CADPS: variants seen among roughly 807,000 people sequenced by gnomAD.
The protein encoded by CADPS is calcium dependent secretion activator.
CADPS carries 57 observed loss-of-function variants against 167.3 expected under a neutral mutation model. The observed-to-expected ratio is 0.34, with a 90% CI of 0.28 to 0.42. The LOEUF is 0.42. Ranked by LOEUF, CADPS falls within the 20% of genes least tolerant of loss-of-function variation. The pLI is 1.00. For synonymous variants in CADPS, 676 were observed against 635.3 expected (o/e 1.06, Z -0.96); for missense variants, 1,414 against 1,738.1 (o/e 0.81, Z 3.32).
At chr3:62,864,926 T>A (rs1316259024) in intron 1 of CADPS, among the ~76,000 whole-genome samples, 1 of 152,178 alleles carries the variant, frequency 6.6e-6, no homozygotes, top group Non-Finnish European at 1.5e-5. Flanking sequence ...CCATCTAAAA[T>A]GACTTTACAT....
chr3:62,794,944 G>C (rs1172996760), intron 1 of CADPS, among the ~76,000 whole-genome samples: 1 of 152,002 alleles, frequency 6.6e-6, no homozygotes, highest in African/African-American at 2.4e-5. Context: ...CTCTCATTCA[G>C]ATCACTGTCT....
intron 7 of CADPS, among the ~76,000 whole-genome samples, chr3:62,589,014 G>A (rs1422897258): frequency 1.3e-5 from 2 of 152,160 alleles, no homozygotes; most frequent in Non-Finnish European, 2.9e-5. Flanking sequence ...TGAGATAGAA[G>A]AGAAAAATTA....
chr3:62,508,102 G>A (rs1418799191), intron 17 of CADPS, among the ~76,000 whole-genome samples: 4 of 152,148 alleles, frequency 2.6e-5, no homozygotes, highest in South Asian at 2.1e-4. Flanking sequence ...AGAGCTGCAC[G>A]TATATGACTC....
intron 18 of CADPS, among the ~76,000 whole-genome samples, chr3:62,498,487 G>C (rs2065176755): frequency 6.6e-6 from 1 of 151,898 alleles, no homozygotes; most frequent in African/African-American, 2.4e-5. Context: ...TGAAATTTTG[G>C]AATTTTTTTG....
intron 1 of CADPS, among the ~76,000 whole-genome samples, chr3:62,826,423 G>T (rs765061630): frequency 5.3e-5 from 8 of 152,024 alleles, no homozygotes; most frequent in Admixed American, 4.6e-4. Context: ...ACATGTTATT[G>T]TTGGGGAAAA....
intron 8 of CADPS, among the ~76,000 whole-genome samples, chr3:62,572,493 C>T (rs1022330883): frequency 2.6e-5 from 4 of 152,208 alleles, no homozygotes; most frequent in African/African-American, 9.6e-5. Context: ...CTTATCATGC[C>T]TTTTCCAAGC....
chr3:62,658,051 G>A (rs1025138551), intron 4 of CADPS, among the ~76,000 whole-genome samples: 1 of 152,122 alleles, frequency 6.6e-6, no homozygotes, highest in African/African-American at 2.4e-5. Flanking sequence ...TTCCAGGAGG[G>A]GGAACCAGCA....
intron 6 of CADPS, among the ~76,000 whole-genome samples, chr3:62,621,264 G>T (rs2063124676): frequency 1.3e-5 from 2 of 152,098 alleles, no homozygotes; most frequent in Non-Finnish European, 2.9e-5. Flanking sequence ...GGAGGATGGG[G>T]GAGAGGAGCA....
chr3:62,690,079 GT>G (rs2078828135), intron 3 of CADPS, among the ~76,000 whole-genome samples: 18 of 151,906 alleles, frequency 1.2e-4, no homozygotes, highest in Admixed American at 7.9e-4. Flanking sequence ...TGGAGTAAAG[GT>G]GTGTTTGACT....
chr3:62,766,953 G>T (rs1374418752), intron 1 of CADPS, among the ~76,000 whole-genome samples: 1 of 151,984 alleles, frequency 6.6e-6, no homozygotes, highest in East Asian at 1.9e-4. Flanking sequence ...GTTTTCCCAG[G>T]GCATAGCTAA....
At chr3:62,834,603 T>C (rs896219232) in intron 1 of CADPS, among the ~76,000 whole-genome samples, 7 of 152,214 alleles carry the variant, frequency 4.6e-5, no homozygotes, top group African/African-American at 1.7e-4. Flanking sequence ...AAGGTCATAC[T>C]ATTACTGTAG....
At chr3:62,790,998 G>GT (rs2092888685) in intron 1 of CADPS, among the ~76,000 whole-genome samples, 1 of 62,458 alleles carries the variant, frequency 1.6e-5, no homozygotes, top group Non-Finnish European at 3.1e-5. Context: ...TGGCTCCTAA[G>GT]TAAAAAAAAA....
chr3:62,504,679 A>G (rs1467258744), intron 17 of CADPS, among the ~76,000 whole-genome samples: 1 of 152,132 alleles, frequency 6.6e-6, no homozygotes, highest in Non-Finnish European at 1.5e-5. Context: ...TTCCTCAAAG[A>G]GCAAAACAAA....
At chr3:62,805,692 T>A (rs1352920482) in intron 1 of CADPS, among the ~76,000 whole-genome samples, 1 of 152,158 alleles carries the variant, frequency 6.6e-6, no homozygotes, top group African/African-American at 2.4e-5. Flanking sequence ...TCTTCCCTTT[T>A]CCCCTCTGCT....
Position 62,634,751 on chromosome 3 carries a change from A to G in CADPS, c.1325+10971T>C, listed in dbSNP as rs897190589. Among the ~76,000 whole-genome samples the G allele has an allele frequency of 1.4e-4, 22 of 152,324 alleles. 1 individual carries two copies. The South Asian group carries it at 2.7e-3, about 19-fold the overall frequency. On this transcript the variant is annotated intron_variant, in intron 6 of 29. Transcript: ENST00000383710. ...GCCAAACTTGAAGGTATCTCTACCC[A>G]ATGACTTAAATGTGCCTTGTCTATT...
chr3:62,846,417 C>T (rs1484593747), intron 1 of CADPS, among the ~76,000 whole-genome samples: 3 of 152,096 alleles, frequency 2.0e-5, no homozygotes, highest in African/African-American at 4.8e-5. Context: ...TAGACCTATT[C>T]GTTCTTTAGG....
At chr3:62,728,603 T>A (rs2077177649) in intron 3 of CADPS, among the ~76,000 whole-genome samples, 2 of 151,930 alleles carry the variant, frequency 1.3e-5, no homozygotes, top group Admixed American at 1.3e-4. Context: ...GATTCATTGT[T>A]GTTTCATTTC....
intron 1 of CADPS, among the ~76,000 whole-genome samples, chr3:62,822,384 G>A (rs1326917560): frequency 6.6e-6 from 1 of 152,160 alleles, no homozygotes; most frequent in Non-Finnish European, 1.5e-5. Flanking sequence ...GAGAATAAAT[G>A]CATGTTATTC....
rs148793444 is a variant in CADPS at position 62,528,675 on chromosome 3, A to G, written c.2291+4196T>C. Among the ~76,000 whole-genome samples, 491 of 152,324 alleles carry G rather than the reference A, an allele frequency of 3.2e-3. 2 individuals carry two copies. Among genetic ancestry groups the G allele is most frequent in the African/African-American group, 0.011 (466 of 41,580 alleles). ...CACAGAAACGGGATCTGATACTCCT[A>G]GATTTATGCAGAATAGGTTCTAACA... is the stretch of plus-strand genomic sequence containing the variant. On this transcript the variant is annotated intron_variant, in intron 13 of 29. Transcript: ENST00000383710.
Sources: allele counts gnomAD v4.1 joint callset (sites outside exome capture counted in the v4.1 genomes callset), GRCh38; gene constraint gnomAD v4.1.1; transcripts MANE v1.5; gene names NCBI Gene and HGNC (gene_info 2026-07-23, HGNC 2026-07-21).